DNAH11: variants seen among roughly 807,000 people sequenced by gnomAD.
The protein encoded by DNAH11 is axonemal beta dynein heavy chain 11.
DNAH11 carries 442 observed loss-of-function variants against 526.0 expected under a neutral mutation model. The observed-to-expected ratio is 0.84, with a 90% CI of 0.78 to 0.91. The LOEUF is 0.91. Ranked by LOEUF, DNAH11 falls within the 40% of genes least tolerant of loss-of-function variation. DNAH11 has a pLI of 0.00. For synonymous variants in DNAH11, 2,461 were observed against 1,935.9 expected, an observed-to-expected ratio of 1.27 and a Z score of -7.12; for missense variants, 6,989 against 5,448.7, an observed-to-expected ratio of 1.28 and a Z score of -8.90.
At chr7:21,805,227 T>C (rs1026299338) in intron 62 of DNAH11, among the ~76,000 whole-genome samples, 5 of 152,218 alleles carry the variant, frequency 3.3e-5, no homozygotes, top group Non-Finnish European at 5.9e-5. Flanking sequence ...TCTGTTAACA[T>C]TTTTTGATAG....
intron 44 of DNAH11, among the ~76,000 whole-genome samples, chr7:21,724,949 C>T (rs1393386136): frequency 6.6e-6 from 1 of 152,110 alleles, no homozygotes; most frequent in South Asian, 2.1e-4. Flanking sequence ...ATGGGCATCA[C>T]TGGGACAGGT....
intron 61 of DNAH11, among the ~76,000 whole-genome samples, chr7:21,792,690 C>T (rs1181594821): frequency 1.3e-5 from 2 of 151,994 alleles, no homozygotes; most frequent in Non-Finnish European, 2.9e-5. Flanking sequence ...TATACATGTT[C>T]ATAGTAGTTT....
intron 61 of DNAH11, among the ~76,000 whole-genome samples, chr7:21,796,979 T>TG (rs1381714160): frequency 6.6e-6 from 1 of 151,884 alleles, no homozygotes; most frequent in African/African-American, 2.4e-5. Flanking sequence ...TTCAGTAAAA[T>TG]GGTAGAGAAG....
At chr7:21,605,091 C>G (rs1481629788) in intron 18 of DNAH11, among the ~76,000 whole-genome samples, 1 of 152,192 alleles carries the variant, frequency 6.6e-6, no homozygotes, top group African/African-American at 2.4e-5. Context: ...CTTGCTCACT[C>G]TGACAGATTA....
chr7:21,879,563 G>A (rs529051394), intron 74 of DNAH11, among the ~76,000 whole-genome samples: 36 of 152,274 alleles, frequency 2.4e-4, no homozygotes, highest in African/African-American at 8.2e-4. Flanking sequence ...TTCATTGGAA[G>A]GAAATAATGT....
In DNAH11 at chr7:21,741,995, C is replaced by G; in HGVS notation, c.7983C>G (p.Ile2661Met). 6.2e-7 allele frequency: 1 copy of G among 1,613,970 alleles called. No homozygotes were observed. Among genetic ancestry groups the G allele is most frequent in the African/African-American group, 1.3e-5 (1 of 75,052 alleles). ...LDALNTIYGQIFSFHFQQQAF... is the reference protein window; with the variant it reads ...LDALNTIYGQMFSFHFQQQAF... The stretch of plus-strand genomic sequence containing the variant: ...CACTAAACACCATCTATGGCCAAAT[C>G]TTTAGCTTCCATTTCCAACAGCAAG... The change falls in exon 49 of 82, where the codon ATC becomes ATG. Residue 2661 changes from isoleucine to methionine, a missense_variant. Physicochemically the swap from Ile to Met is conservative, Grantham distance 10. Transcript: ENST00000409508.
At position 21,807,970 on chromosome 7, in the gene DNAH11, T is replaced by C; in HGVS notation, c.10253T>C (p.Val3418Ala). 6.2e-7 allele frequency: 1 copy of C among 1,608,260 alleles called. No individual in the cohort carries two copies. The highest frequency in any genetic ancestry group is 1.1e-5 in the South Asian group (1 of 90,002). ...GATGTTCTTCTCACGGCGGCATTTG[T>C]GTCTTACGTCGGACCCTTCACAAGG... ...CGDVLLTAAF[V>A]SYVGPFTRQY... Residue 3418 changes from valine to alanine, a missense_variant, in exon 63 of 82, where the codon GTG becomes GCG. Transcript: ENST00000409508.
intron 20 of DNAH11, among the ~76,000 whole-genome samples, chr7:21,613,934 A>AT (rs575437991): frequency 0.24 from 34,371 of 142,740 alleles, 4,371 homozygotes; most frequent in East Asian, 0.55. Flanking sequence ...TGCCCAGCTA[A>AT]TTTTTTTTTT....
At position 21,692,042 on chromosome 7, in the gene DNAH11, A is replaced by G. The variant is rs143675793; in HGVS notation, c.6041+1161A>G. Among the ~76,000 whole-genome samples, 667 of 152,334 alleles carry G rather than the reference A, an allele frequency of 4.4e-3. 4 individuals carry two copies. Among genetic ancestry groups the G allele is most frequent in the African/African-American group, 0.015 (629 of 41,572 alleles). On this transcript the variant is annotated intron_variant, in intron 35 of 81. Coordinates refer to ENST00000409508, the MANE Select transcript of DNAH11 (RefSeq NM_001277115.2). ...GAGAACATGTGTTGCTATACCTAGTATCCGTTACGATTCACTTATAATTTA... is the reference window on the plus strand; with the variant it reads ...GAGAACATGTGTTGCTATACCTAGTGTCCGTTACGATTCACTTATAATTTA...
chr7:21,662,544 T>C (rs1782278682), intron 30 of DNAH11, among the ~76,000 whole-genome samples: 1 of 152,188 alleles, frequency 6.6e-6, no homozygotes, highest in South Asian at 2.1e-4. Flanking sequence ...TTTTGATATC[T>C]GTATGTATGA....
At chr7:21,619,637 G>A (rs976556207) in intron 24 of DNAH11, among the ~76,000 whole-genome samples, 3 of 152,126 alleles carry the variant, frequency 2.0e-5, no homozygotes, top group African/African-American at 7.2e-5. Context: ...GGCATTACCT[G>A]TTTCATGCTG....
At chr7:21,545,228 TA>T (rs949761612) in intron 2 of DNAH11, 79 bp downstream of exon 2, 5 of 1,084,536 alleles carry the variant, frequency 4.6e-6, no homozygotes, top group Non-Finnish European at 5.9e-6. Context: ...CTCCGATAAT[TA>T]AAAAAAGAAG....
At chr7:21,543,827 C>T (rs1782697162) in intron 1 of DNAH11, 1 of 565,656 alleles carries the variant, frequency 1.8e-6, no homozygotes, top group African/African-American at 1.9e-5. Flanking sequence ...GACCGAGAAT[C>T]CCGCGTTGAG....
intron 14 of DNAH11, among the ~76,000 whole-genome samples, chr7:21,596,980 T>G (rs767015515): frequency 2.6e-5 from 4 of 152,148 alleles, no homozygotes; most frequent in Non-Finnish European, 5.9e-5. Flanking sequence ...GTGAGGAACA[T>G]GGTTTGGGGA....
chr7:21,559,345 G>A (rs1031881152), intron 3 of DNAH11, among the ~76,000 whole-genome samples: 3 of 152,170 alleles, frequency 2.0e-5, no homozygotes, highest in Non-Finnish European at 4.4e-5. Context: ...TGTAGTAATT[G>A]CCATGCCAGT....
chr7:21,796,403 A>G lies in DNAH11; in HGVS notation c.10027-4734A>G, dbSNP rs147745241. Among the ~76,000 whole-genome samples, 15 of 152,324 alleles carry G rather than the reference A, an allele frequency of 9.8e-5. No individual in the cohort carries two copies. The East Asian group carries it at 1.2e-3, about 12-fold the overall frequency. ...CTTTTGGAAAGATAGCTGTGGGCCA[A>G]TGAACAAAGGGGAAGAGACTGGAAG... On this transcript the variant is annotated intron_variant, in intron 61 of 81. Transcript: ENST00000409508.
At chr7:21,790,750 G>T (rs1788445646) in intron 61 of DNAH11, among the ~76,000 whole-genome samples, 1 of 152,182 alleles carries the variant, frequency 6.6e-6, no homozygotes, top group South Asian at 2.1e-4. Context: ...GACACTTGAA[G>T]TGTCCAGCAA....
At chr7:21,728,040 C>A (rs1785208714) in intron 45 of DNAH11, among the ~76,000 whole-genome samples, 1 of 152,036 alleles carries the variant, frequency 6.6e-6, no homozygotes, top group Non-Finnish European at 1.5e-5. Flanking sequence ...CTAATAGCCT[C>A]ATTTTAACTT....
chr7:21,735,138 C>G (rs1183034895), intron 45 of DNAH11, among the ~76,000 whole-genome samples: 2 of 152,298 alleles, frequency 1.3e-5, no homozygotes, highest in South Asian at 4.1e-4. Context: ...CCACTGCACT[C>G]CAGCCTGGGT....
Sources: allele counts gnomAD v4.1 joint callset (sites outside exome capture counted in the v4.1 genomes callset), GRCh38; gene constraint gnomAD v4.1.1; transcripts MANE v1.5; gene names NCBI Gene and HGNC (gene_info 2026-07-23, HGNC 2026-07-21).